The following LIMD1 variants were observed in gnomAD, a reference collection of about 807,000 sequenced individuals.
LIMD1 encodes LIM domain-containing protein 1.
Under a neutral mutation model 58.4 loss-of-function variants are expected in LIMD1, and 23 were observed. The observed-to-expected ratio is 0.39, with a 90% CI of 0.28 to 0.56. The LOEUF (loss-of-function observed/expected upper bound fraction) is 0.56, where lower values mean the gene tolerates loss of function less well. Ranked by LOEUF, LIMD1 falls within the 20% of genes least tolerant of loss-of-function variation. The probability of loss-of-function intolerance (pLI) is 0.57; values close to 1 mark genes in which losing one functional copy is unlikely to be tolerated. For synonymous variants in LIMD1, 334 were observed against 345.5 expected (o/e 0.97, Z 0.37); for missense variants, 838 against 855.5 (o/e 0.98, Z 0.25).
In LIMD1 at chr3:45,684,071, G is replaced by A. The variant is rs1214779521; in HGVS notation, c.*7012G>A. 1 of 145,900 alleles carries A rather than the reference G, an allele frequency of 6.9e-6. No homozygotes were observed. The highest frequency in any genetic ancestry group is 2.7e-5 in the African/African-American group (1 of 37,288). The allele number at this position is 145,900 out of a possible 1,614,324, so 9.0% of individuals were successfully genotyped here. On this transcript the variant is annotated 3_prime_UTR_variant, in exon 8 of 8. Transcript: ENST00000273317. ...ATGATTGAGACCTTGTACTCTAGGTGTAAAAAAACAGAGTAGGTCATACTC... is the reference window on the plus strand; with the variant it reads ...ATGATTGAGACCTTGTACTCTAGGTATAAAAAAACAGAGTAGGTCATACTC...
rs1701346229 is a variant in LIMD1, at chr3:45,596,084, A to G, written c.1205A>G (p.Lys402Arg). 1 of 1,614,072 alleles carries G rather than the reference A, an allele frequency of 6.2e-7. No homozygotes were observed. Among genetic ancestry groups the G allele is most frequent in the Non-Finnish European group, 8.5e-7 (1 of 1,179,996 alleles). Residue 402 changes from lysine to arginine, a missense_variant, in exon 1 of 8, where the codon AAA (lysine) becomes AGA (arginine). Around this residue, in one of 3 missense-constraint regions of LIMD1, gnomAD observed 659 missense variants for 639.8 expected, o/e 1.03. Coordinates refer to ENST00000273317, the MANE Select transcript of LIMD1 (RefSeq NM_014240.3). ...TCCACCCTGCCTGAGTTATCTTGTA[A>G]AGAGGGTCCCCTGGGCTGGTCTTCT... Reference protein sequence around the residue: ...VMSTLPELSCKEGPLGWSSDG... With the variant: ...VMSTLPELSCREGPLGWSSDG...
chr3:45,599,163 A>G (rs1286593290), intron 1 of LIMD1, among the ~76,000 whole-genome samples: 2 of 151,824 alleles, frequency 1.3e-5, no homozygotes, highest in Non-Finnish European at 2.9e-5. Flanking sequence ...TTTAATTGAG[A>G]TGAAATTCAC....
In LIMD1 at chr3:45,642,185, T is replaced by C. The variant is rs1701849335; in HGVS notation, c.1510+5934T>C. Among the ~76,000 whole-genome samples the C allele has an allele frequency of 2.0e-5, 3 of 152,120 alleles. No homozygotes were observed. In the South Asian group the frequency reaches 6.2e-4, roughly 32 times the overall value. On this transcript the variant is annotated intron_variant, in intron 2 of 7. Coordinates refer to ENST00000273317, the MANE Select transcript of LIMD1 (RefSeq NM_014240.3). ...GAGAAAATTGTATCTTTTTTTTTTT[T>C]TTCTTTTTGAGACTGGGTCTTGCTC... is the stretch of plus-strand genomic sequence containing the variant.
chr3:45,615,074 G>A (rs1038143771), intron 1 of LIMD1, among the ~76,000 whole-genome samples: 4 of 152,054 alleles, frequency 2.6e-5, no homozygotes, highest in African/African-American at 9.7e-5. Context: ...ATTGACATAG[G>A]TAAATAGAAG....
chr3:45,639,739 C>T (rs762747390), intron 2 of LIMD1, among the ~76,000 whole-genome samples: 7 of 152,074 alleles, frequency 4.6e-5, no homozygotes, highest in Non-Finnish European at 5.9e-5. Flanking sequence ...CTCGGCTTAC[C>T]GCAACCTCCG....
chr3:45,642,330 C>A (rs536631343), intron 2 of LIMD1, among the ~76,000 whole-genome samples: 68 of 152,178 alleles, frequency 4.5e-4, no homozygotes, highest in African/African-American at 1.6e-3. Context: ...CATGCACCAC[C>A]ATGTTCAGCT....
intron 1 of LIMD1, among the ~76,000 whole-genome samples, chr3:45,610,044 T>C (rs1701508735): frequency 1.3e-5 from 2 of 152,120 alleles, no homozygotes; most frequent in East Asian, 3.9e-4. Context: ...CTACAAAAAT[T>C]AGCTAGGCAT....
intron 1 of LIMD1, among the ~76,000 whole-genome samples, chr3:45,631,939 C>G (rs1164024257): frequency 6.6e-6 from 1 of 152,170 alleles, no homozygotes; most frequent in Non-Finnish European, 1.5e-5. Flanking sequence ...AGCTGTCTTG[C>G]AGGACGGTCC....
rs1160065823 is a variant in LIMD1, at chr3:45,595,357, T to G, written c.478T>G (p.Ser160Ala). 21 of 1,613,568 alleles carry G rather than the reference T, an allele frequency of 1.3e-5. No individual in the cohort carries two copies. The highest frequency in any genetic ancestry group is 1.8e-5 in the Non-Finnish European group (21 of 1,180,036). The change falls in exon 1 of 8, where the codon TCT becomes GCT. Residue 160 changes from serine to alanine, a missense_variant. By Grantham distance (99) the Ser-to-Ala change is moderately conservative (BLOSUM62 1). This residue lies in a region of LIMD1 where 659 missense variants were observed against 639.8 expected (regional missense o/e 1.03). Coordinates refer to ENST00000273317, the MANE Select transcript of LIMD1 (RefSeq NM_014240.3). The stretch of plus-strand genomic sequence containing the variant: ...GGAGAGCCTGGCGACTTCTGAGATG[T>G]CTGCTTTCCACCAGCCAGGCCCCTG... ...SRESLATSEM[S>A]AFHQPGPCED... is the part of the protein sequence containing the mutation.
intron 2 of LIMD1, among the ~76,000 whole-genome samples, chr3:45,651,371 C>A (rs1701972998): frequency 6.6e-6 from 1 of 152,154 alleles, no homozygotes; most frequent in African/African-American, 2.4e-5. Context: ...GCTTTTGTTG[C>A]CATTGCTTTT....
At chr3:45,628,780 G>A (rs914508320) in intron 1 of LIMD1, among the ~76,000 whole-genome samples, 5 of 152,156 alleles carry the variant, frequency 3.3e-5, no homozygotes, top group Non-Finnish European at 7.3e-5. Context: ...ACAAGCAAAT[G>A]GATAAACAAA....
intron 1 of LIMD1, among the ~76,000 whole-genome samples, chr3:45,620,410 T>C (rs34258682): frequency 0.041 from 6,186 of 152,278 alleles, 161 homozygotes; most frequent in East Asian, 0.14. Context: ...GTACAGAGGA[T>C]TCCATTAGTA....
In LIMD1 at chr3:45,678,615, C is replaced by G. The variant is rs773581735; in HGVS notation, c.*1556C>G. The G allele has an allele frequency of 1.3e-5, 2 of 152,268 alleles. No homozygotes were observed. The highest frequency in any genetic ancestry group is 4.8e-5 in the African/African-American group (2 of 41,450). The allele number at this position is 152,268 out of a possible 1,614,324, so 9.4% of individuals were successfully genotyped here. On this transcript the variant is annotated 3_prime_UTR_variant, in exon 8 of 8. Transcript: ENST00000273317. ...GGCAGCCCATTTTACCATTGCCAGC[C>G]AGGCCGGGGACACAGGAGCCGGTGT...
In LIMD1 at chr3:45,636,538, A is replaced by T. The variant is rs79652746; in HGVS notation, c.1510+287A>T. ...CATCAGGTTTGAAATATGTAAGAAG[A>T]GGTTTCAGAAGATTTGGGAGGAAGT... On this transcript the variant is annotated intron_variant, in intron 2 of 7. Coordinates refer to ENST00000273317, the MANE Select transcript of LIMD1 (RefSeq NM_014240.3). 5.2e-3 allele frequency among the ~76,000 whole-genome samples: 790 copies of T among 152,264 alleles called. 3 individuals are homozygous for T. The highest frequency in any genetic ancestry group is 0.011 in the African/African-American group (462 of 41,540).
intron 1 of LIMD1, among the ~76,000 whole-genome samples, chr3:45,630,104 C>T (rs1280317643): frequency 6.6e-6 from 1 of 152,194 alleles, no homozygotes; most frequent in East Asian, 1.9e-4. Flanking sequence ...ATTCCTCTCA[C>T]TTCCCTTCTG....
In LIMD1 at chr3:45,678,017, A is replaced by C. The variant is rs1697694435; in HGVS notation, c.*958A>C. 6.6e-6 allele frequency: 1 copy of C among 152,438 alleles called. No individual in the cohort carries two copies. Among genetic ancestry groups the C allele is most frequent in the South Asian group, 2.1e-4 (1 of 4,828 alleles). 9.4% of individuals were successfully genotyped at this position (152,438 alleles called of 1,614,324 possible). On this transcript the variant is annotated 3_prime_UTR_variant, in exon 8 of 8. Coordinates refer to ENST00000273317, the MANE Select transcript of LIMD1 (RefSeq NM_014240.3). ...CATACTGAGAGACAGCTTCTTATAAACAAGGAGAGTTTTTGTGTGTGCGAG... is the reference window on the plus strand; with the variant it reads ...CATACTGAGAGACAGCTTCTTATAACCAAGGAGAGTTTTTGTGTGTGCGAG...
In LIMD1 at chr3:45,636,356, C is replaced by G. The variant is rs985168811; in HGVS notation, c.1510+105C>G. 4 of 796,020 alleles carry G rather than the reference C, an allele frequency of 5.0e-6. No individual in the cohort carries two copies. The Admixed American group carries it at 1.0e-4, about 21-fold the overall frequency. The allele number at this position is 796,020 out of a possible 1,614,324, so 49.3% of individuals were successfully genotyped here. A position where few individuals can be genotyped will look rare whatever the true frequency, so the allele number is the denominator to read the frequency against. On this transcript the variant is annotated intron_variant, in intron 2 of 7. Transcript: ENST00000273317. ...CTTTCTGGAGACGGTTGGTCCATGG[C>G]CCTCCTCAGCCCCACAGAAAAGCCA...
At chr3:45,666,025 A>T (rs370703154) in intron 3 of LIMD1, among the ~76,000 whole-genome samples, 2 of 151,962 alleles carry the variant, frequency 1.3e-5, no homozygotes, top group East Asian at 3.9e-4. Context: ...TCTTCTTCTC[A>T]TCCCACTCTC....
At position 45,677,260 on chromosome 3, in the gene LIMD1, T is replaced by TTC; in HGVS notation, c.*205_*206dup. 3.7e-6 allele frequency: 2 copies of TTC among 542,524 alleles called. No individual in the cohort carries two copies. Among genetic ancestry groups the TTC allele is most frequent in the African/African-American group, 1.9e-5 (1 of 52,450 alleles). 33.6% of individuals were successfully genotyped at this position (542,524 alleles called of 1,614,324 possible). A position where few individuals can be genotyped will look rare whatever the true frequency, so the allele number is the denominator to read the frequency against. On this transcript the variant is annotated 3_prime_UTR_variant, in exon 8 of 8. Transcript: ENST00000273317. ...TCCTGCGTGTATTTTCCAAGTGCTT[T>TTC]TCTCTGTTGCCACATTTTCCTCAGG...
Sources: gnomAD v4.1 joint callset for allele counts (sites outside exome capture counted in the v4.1 genomes callset) on GRCh38, gnomAD v4.1.1 for gene constraint, gnomAD v4.1.1 regional missense constraint, MANE v1.5 for transcripts, NCBI Gene and HGNC (gene_info 2026-07-23, HGNC 2026-07-21) for gene names.